TSHZ2: variants seen among roughly 807,000 people sequenced by gnomAD.
TSHZ2 encodes teashirt zinc finger homeobox 2.
TSHZ2 carries 21 observed loss-of-function variants against 74.4 expected under a neutral mutation model. The observed-to-expected ratio is 0.28, with a 90% CI of 0.20 to 0.41. The LOEUF (loss-of-function observed/expected upper bound fraction) is 0.41, where lower values mean the gene tolerates loss of function less well. Ranked by LOEUF, TSHZ2 falls within the 10% of genes least tolerant of loss-of-function variation. TSHZ2 has a pLI of 1.00. For synonymous variants in TSHZ2, 540 were observed against 515.3 expected (o/e 1.05, Z -0.65); for missense variants, 1,244 against 1,293.5 (o/e 0.96, Z 0.59).
At chr20:53,045,255 C>T (rs1288879153) in intron 1 of TSHZ2, among the ~76,000 whole-genome samples, 1 of 152,170 alleles carries the variant, frequency 6.6e-6, no homozygotes, top group African/African-American at 2.4e-5. Context: ...CTCACAGTGA[C>T]GTCCTCACTT....
At chr20:53,155,358 G>C (rs902008085) in intron 1 of TSHZ2, among the ~76,000 whole-genome samples, 1 of 152,016 alleles carries the variant, frequency 6.6e-6, no homozygotes, top group African/African-American at 2.4e-5. Context: ...TGTCAGAAAG[G>C]AACCTTTGGT....
chr20:53,290,295 C>T (rs1478930563), intron 2 of TSHZ2, among the ~76,000 whole-genome samples: 1 of 151,566 alleles, frequency 6.6e-6, no homozygotes, highest in African/African-American at 2.4e-5. Flanking sequence ...ATCACAACTT[C>T]AAAGGTTTAT....
chr20:53,442,506 G>A (rs1391191808), intron 2 of TSHZ2, among the ~76,000 whole-genome samples: 2 of 152,172 alleles, frequency 1.3e-5, no homozygotes, highest in Non-Finnish European at 2.9e-5. Flanking sequence ...ATTCTATTAG[G>A]GAAATGCGGT....
At chr20:53,113,926 CA>C (rs969597540) in intron 1 of TSHZ2, among the ~76,000 whole-genome samples, 7 of 149,034 alleles carry the variant, frequency 4.7e-5, no homozygotes, top group African/African-American at 1.2e-4. Context: ...TGCATGGTAC[CA>C]AAAAAAAAGG....
At chr20:53,410,774 C>G (rs889259141) in intron 2 of TSHZ2, among the ~76,000 whole-genome samples, 3 of 151,144 alleles carry the variant, frequency 2.0e-5, no homozygotes, top group African/African-American at 7.3e-5. Context: ...CTCCCAAGTT[C>G]CAGTGATTCT....
intron 1 of TSHZ2, among the ~76,000 whole-genome samples, chr20:53,235,183 T>C (rs1426355861): frequency 6.6e-6 from 1 of 151,750 alleles, no homozygotes; most frequent in Non-Finnish European, 1.5e-5. Flanking sequence ...TTTGTTTGTT[T>C]TTGAGCCAAA....
chr20:53,216,535 T>G (rs1214399583), intron 1 of TSHZ2, among the ~76,000 whole-genome samples: 2 of 152,188 alleles, frequency 1.3e-5, no homozygotes, highest in African/African-American at 4.8e-5. Flanking sequence ...CAAGCATAGG[T>G]GCGACCCAAC....
intron 2 of TSHZ2, among the ~76,000 whole-genome samples, chr20:53,343,361 G>A (rs1188656699): frequency 6.6e-6 from 1 of 152,136 alleles, no homozygotes; most frequent in African/African-American, 2.4e-5. Flanking sequence ...TTTCTTTCCG[G>A]AACAAACACG....
chr20:53,041,086 C>T (rs1349740224), intron 1 of TSHZ2, among the ~76,000 whole-genome samples: 1 of 152,174 alleles, frequency 6.6e-6, no homozygotes, highest in African/African-American at 2.4e-5. Flanking sequence ...CACTAATTAC[C>T]AGACAGTGGA....
chr20:53,246,600 T>G (rs1045198403), intron 1 of TSHZ2, among the ~76,000 whole-genome samples: 5 of 152,202 alleles, frequency 3.3e-5, no homozygotes, highest in Admixed American at 2.6e-4. Flanking sequence ...GCCTTGGCCT[T>G]GGAAGACCCA....
chr20:53,134,800 T>C (rs1354161325), intron 1 of TSHZ2, among the ~76,000 whole-genome samples: 2 of 152,160 alleles, frequency 1.3e-5, no homozygotes, highest in East Asian at 3.8e-4. Flanking sequence ...GTACTGACCC[T>C]TTCACTGTTG....
intron 2 of TSHZ2, among the ~76,000 whole-genome samples, chr20:53,343,536 GT>G (rs1169475422): frequency 6.6e-6 from 1 of 152,202 alleles, no homozygotes; most frequent in East Asian, 1.9e-4. Context: ...CTCCAGCAGG[GT>G]TTGTAAAGAA....
In TSHZ2 at chr20:53,489,037, A is replaced by C. The variant is rs1986373420; in HGVS notation, c.*1902A>C. The stretch of plus-strand genomic sequence containing the variant: ...GGCATGGACAGAAAATATACCCCTC[A>C]CATCATCGGATTGAGATGGCAGTCG... On this transcript the variant is annotated 3_prime_UTR_variant, in exon 3 of 3. Coordinates refer to ENST00000371497, the MANE Select transcript of TSHZ2 (RefSeq NM_173485.6). 2.2e-6 allele frequency: 1 copy of C among 456,128 alleles called. No homozygotes were observed. Among genetic ancestry groups the C allele is most frequent in the Admixed American group, 2.4e-5 (1 of 42,546 alleles). The allele number at this position is 456,128 out of a possible 1,614,324, so 28.3% of individuals were successfully genotyped here. A position where few individuals can be genotyped will look rare whatever the true frequency, so the allele number is the denominator to read the frequency against.
At chr20:53,139,764 T>C (rs1026241169) in intron 1 of TSHZ2, among the ~76,000 whole-genome samples, 1 of 152,228 alleles carries the variant, frequency 6.6e-6, no homozygotes, top group Non-Finnish European at 1.5e-5. Context: ...TGGTTCTCTT[T>C]TTCTGGTCCC....
intron 2 of TSHZ2, among the ~76,000 whole-genome samples, chr20:53,443,316 T>C (rs1001514628): frequency 6.6e-6 from 1 of 152,216 alleles, no homozygotes. Flanking sequence ...GAGGGATCTT[T>C]TAAATATTTA....
chr20:53,248,211 T>C (rs148379495), intron 1 of TSHZ2, among the ~76,000 whole-genome samples: 10 of 152,034 alleles, frequency 6.6e-5, no homozygotes, highest in African/African-American at 2.4e-4. Context: ...GCTGGGACCA[T>C]AGGCATGCAC....
At chr20:53,475,787 GAAGAATCAAATAGACGCAATA>G (rs1290960241) in intron 2 of TSHZ2, among the ~76,000 whole-genome samples, 1 of 140,586 alleles carries the variant, frequency 7.1e-6, no homozygotes, top group Non-Finnish European at 1.5e-5. Context: ...AGAAAAGAGA[GAAGAATCAAATAGACGCAATA>G]AAAAATGACA....
intron 2 of TSHZ2, among the ~76,000 whole-genome samples, chr20:53,315,085 A>G (rs962657063): frequency 3.9e-5 from 6 of 152,232 alleles, no homozygotes; most frequent in Non-Finnish European, 8.8e-5. Flanking sequence ...TGCAGACCCT[A>G]CTTCTTGATG....
At chr20:53,377,948 A>C (rs959348696) in intron 2 of TSHZ2, among the ~76,000 whole-genome samples, 2 of 152,196 alleles carry the variant, frequency 1.3e-5, no homozygotes, top group African/African-American at 4.8e-5. Context: ...CTCAGGGATA[A>C]GTATTCTCTC....
Sources: allele counts gnomAD v4.1 joint callset (sites outside exome capture counted in the v4.1 genomes callset), GRCh38; gene constraint gnomAD v4.1.1; transcripts MANE v1.5; gene names NCBI Gene and HGNC (gene_info 2026-07-23, HGNC 2026-07-21).